Variants in FRMPD1 observed in about 807,000 individuals in gnomAD.
FRMPD1 encodes FERM and PDZ domain containing 1.
Under a neutral mutation model 117.8 loss-of-function variants are expected in FRMPD1, and 76 were observed. That is an observed-to-expected ratio of 0.65 (90% confidence interval 0.54 to 0.78). The LOEUF (loss-of-function observed/expected upper bound fraction) is 0.78. Among genes scored for constraint, FRMPD1 ranks in the 30% least tolerant of loss-of-function variants. The pLI is 0.00. For missense variants in FRMPD1, 1,786 were observed against 1,964.5 expected (o/e 0.91, Z 1.72); for synonymous variants, 783 against 770.4 (o/e 1.02, Z -0.27).
At chr9:37,731,300 C>T (rs949142592) in intron 9 of FRMPD1, among the ~76,000 whole-genome samples, 197 bp downstream of exon 9, 2 of 152,190 alleles carry the variant, frequency 1.3e-5, no homozygotes, top group African/African-American at 2.4e-5. Flanking sequence ...TGTGCGATAT[C>T]AGAATGAAAT....
At chr9:37,688,659 G>A (rs1822031309) in intron 1 of FRMPD1, among the ~76,000 whole-genome samples, 2 of 151,980 alleles carry the variant, frequency 1.3e-5, no homozygotes, top group African/African-American at 4.8e-5. Context: ...TCCAATGATA[G>A]ATTTATTAAA....
rs190457688 is a variant in FRMPD1, at chr9:37,707,238, C to A, written c.102-178C>A. Among the ~76,000 whole-genome samples the A allele has an allele frequency of 4.5e-3, 678 of 152,340 alleles. 4 individuals carry two copies. The highest frequency in any genetic ancestry group is 0.016 in the African/African-American group (659 of 41,584). ...TTAAGAATGCCTGGCAATACGACTT[C>A]TCTTTTAGAGGACAGTCCTAAGTTC... On this transcript the variant is annotated intron_variant, in intron 2 of 15. Transcript: ENST00000377765.
At chr9:37,636,466 C>T in the FRMPD1 span, among the ~76,000 whole-genome samples, 1 of 152,144 alleles carries the variant, frequency 6.6e-6, no homozygotes, top group Non-Finnish European at 1.5e-5. Flanking sequence ...AGCAGGCCCC[C>T]GCCCTGCCTG....
At chr9:37,620,080 A>G in the FRMPD1 span, among the ~76,000 whole-genome samples, 1 of 152,188 alleles carries the variant, frequency 6.6e-6, no homozygotes, top group African/African-American at 2.4e-5. Flanking sequence ...GATCGCTAAA[A>G]GTTTCACTAA....
intron 1 of FRMPD1, among the ~76,000 whole-genome samples, chr9:37,669,331 T>C (rs1024074673): frequency 6.6e-6 from 1 of 152,186 alleles, no homozygotes; most frequent in African/African-American, 2.4e-5. Flanking sequence ...TCAAGTATGG[T>C]CCCCACCTGT....
At chr9:37,696,582 CAT>C (rs371428902) in intron 2 of FRMPD1, among the ~76,000 whole-genome samples, 35 of 152,204 alleles carry the variant, frequency 2.3e-4, no homozygotes, top group East Asian at 7.7e-4. Context: ...AGTTTTAAAA[CAT>C]GTGGGAAAAT....
chr9:37,692,746 A>G lies in FRMPD1; in HGVS notation c.101+4A>G, dbSNP rs760319083. 4 of 1,605,080 alleles carry G rather than the reference A, an allele frequency of 2.5e-6. No homozygotes were observed. In the South Asian group the frequency reaches 3.3e-5, roughly 13 times the overall value. ...GCTCCCGGGACAGCTCGGCCCGGTAAGCCTCCTGAGTTTGCAGATTTCTGT... is the reference window on the plus strand; with the variant it reads ...GCTCCCGGGACAGCTCGGCCCGGTAGGCCTCCTGAGTTTGCAGATTTCTGT... On this transcript the variant is annotated splice_donor_region_variant and intron_variant, in intron 2 of 15. Coordinates refer to ENST00000377765, the MANE Select transcript of FRMPD1 (RefSeq NM_014907.3).
chr9:37,685,577 A>G (rs750867086), intron 1 of FRMPD1, among the ~76,000 whole-genome samples: 76 of 152,028 alleles, frequency 5.0e-4, no homozygotes, highest in Admixed American at 1.3e-3. Context: ...GCGTGAACCC[A>G]TGAGGCGGAG....
Position 37,733,460 on chromosome 9 carries a change from T to C in FRMPD1, c.996-13T>C. 6.2e-7 allele frequency: 1 copy of C among 1,610,656 alleles called. No individual in the cohort carries two copies. Among genetic ancestry groups the C allele is most frequent in the Non-Finnish European group, 8.5e-7 (1 of 1,178,906 alleles). ...TAGAAATGGGCCTCCTTGTCTCCAA[T>C]GTCTCATGGCAGGAAAGACTGGGGA... On this transcript the variant is annotated splice_polypyrimidine_tract_variant and intron_variant, in intron 10 of 15. Coordinates refer to ENST00000377765, the MANE Select transcript of FRMPD1 (RefSeq NM_014907.3).
chr9:37,615,515 C>G, the FRMPD1 span, among the ~76,000 whole-genome samples: 1 of 152,174 alleles, frequency 6.6e-6, no homozygotes, highest in Non-Finnish European at 1.5e-5. Context: ...GGTCTGAGAA[C>G]CATTCTGTTT....
In FRMPD1 at chr9:37,651,041, C is replaced by G. The variant is rs930617529; in HGVS notation, c.-58C>G. ...GCCGCTGGGCGGGGCCGCCCTTCTC[C>G]GAGAGCGTCAGCCCGCTAGGTCCTT... On this transcript the variant is annotated 5_prime_UTR_variant, in exon 1 of 16. Transcript: ENST00000377765. 4.6e-5 allele frequency: 7 copies of G among 152,112 alleles called. No individual in the cohort carries two copies. Among genetic ancestry groups the G allele is most frequent in the Admixed American group, 3.3e-4 (5 of 15,276 alleles). The allele number at this position is 152,112 out of a possible 1,614,324, so 9.4% of individuals were successfully genotyped here. A position where few individuals can be genotyped will look rare whatever the true frequency, so the allele number is the denominator to read the frequency against.
intron 15 of FRMPD1, among the ~76,000 whole-genome samples, chr9:37,742,715 A>G (rs1245973726): frequency 6.6e-6 from 1 of 152,208 alleles, no homozygotes. Context: ...CCTGGCCAAC[A>G]TGGCAAAACC....
At chr9:37,641,441 G>C in the FRMPD1 span, among the ~76,000 whole-genome samples, 3 of 152,078 alleles carry the variant, frequency 2.0e-5, no homozygotes, top group African/African-American at 7.2e-5. Flanking sequence ...ACCCTTCAAG[G>C]TCAGTATTAT....
chr9:37,641,719 C>A, the FRMPD1 span, among the ~76,000 whole-genome samples: 1 of 152,184 alleles, frequency 6.6e-6, no homozygotes, highest in Non-Finnish European at 1.5e-5. Flanking sequence ...CCTTCCAAGA[C>A]TTTCCCCTGC....
chr9:37,706,936 G>A (rs867371399), intron 2 of FRMPD1, among the ~76,000 whole-genome samples: 3 of 150,048 alleles, frequency 2.0e-5, no homozygotes, highest in Admixed American at 6.7e-5. Context: ...CTGTCAGTCC[G>A]TCCATCCATC....
At chr9:37,641,058 T>C in the FRMPD1 span, among the ~76,000 whole-genome samples, 1 of 152,144 alleles carries the variant, frequency 6.6e-6, no homozygotes, top group Non-Finnish European at 1.5e-5. Flanking sequence ...TAGCTTGCTT[T>C]TGTATTTTTT....
At chr9:37,613,369 C>T in the FRMPD1 span, among the ~76,000 whole-genome samples, 1 of 152,076 alleles carries the variant, frequency 6.6e-6, no homozygotes, top group East Asian at 1.9e-4. Flanking sequence ...CAGTAAGATT[C>T]CCTAAAGCAA....
At chr9:37,653,781 C>T (rs1378359478) in intron 1 of FRMPD1, among the ~76,000 whole-genome samples, 2 of 151,934 alleles carry the variant, frequency 1.3e-5, no homozygotes, top group Non-Finnish European at 2.9e-5. Context: ...ATAGTGAGAC[C>T]CCATCTCTAC....
At chr9:37,719,316 C>G (rs1823292029) in intron 6 of FRMPD1, 140 bp downstream of exon 6, 2 of 637,420 alleles carry the variant, frequency 3.1e-6, no homozygotes, top group Non-Finnish European at 5.7e-6. Context: ...TGTGCGCCCT[C>G]CCAGTCAGAT....
Sources: allele counts gnomAD v4.1 joint callset (sites outside exome capture counted in the v4.1 genomes callset), GRCh38; gene constraint gnomAD v4.1.1; transcripts MANE v1.5; gene names NCBI Gene and HGNC (gene_info 2026-07-23, HGNC 2026-07-21).